Variants in WARS1 observed in about 807,000 individuals in gnomAD.
WARS1 encodes the protein tryptophan--tRNA ligase, cytoplasmic.
WARS1 carries 17 observed loss-of-function variants against 47.8 expected under a neutral mutation model. That is an observed-to-expected ratio of 0.36 (90% CI 0.24 to 0.53). WARS1 has a LOEUF of 0.53. Among genes scored for constraint, WARS1 ranks in the 20% least tolerant of loss-of-function variants. WARS1 has a pLI of 0.91. For synonymous variants in WARS1, 208 were observed against 228.1 expected, an observed-to-expected ratio of 0.91 and a Z score of 0.79; for missense variants, 434 against 608.0, an observed-to-expected ratio of 0.71 and a Z score of 3.01.
rs1257134602 is a variant in WARS1, at chr14:100,369,101, C to A, written c.85G>T (p.Gly29Ter). ...QGELVRSLKA[G>*]NASKDEIDSA... The stretch of plus-strand genomic sequence containing the variant: ...AAATCATGTACCTTTGACGCATTTC[C>A]CGCTTTGAGGGACCTTACGAGCTCC... Residue 29 changes from glycine (G) to a stop codon, truncating the protein, a stop_gained, in exon 2 of 11, where the codon GGA (glycine) becomes TGA (stop). Transcript: ENST00000392882. LOFTEE classifies it high-confidence loss of function. 6.4e-7 allele frequency: 1 copy of A among 1,556,682 alleles called. No individual in the cohort carries two copies. The highest frequency in any genetic ancestry group is 1.8e-5 in the Admixed American group (1 of 56,340).
chr14:100,348,380 GGCA>G (rs3073366), intron 6 of WARS1, among the ~76,000 whole-genome samples: 103,732 of 151,760 alleles, frequency 0.68, 36,647 homozygotes, highest in Admixed American at 0.81. Flanking sequence ...GTTGAGCAGA[GGCA>G]GCACGTGAGG....
At position 100,349,890 on chromosome 14, in the gene WARS1, G is replaced by T. The variant is rs535637087; in HGVS notation, c.726-3044C>A. 2.6e-5 allele frequency among the ~76,000 whole-genome samples: 4 copies of T among 152,336 alleles called. No homozygotes were observed. The South Asian group carries it at 8.3e-4, about 32-fold the overall frequency. ...CAGGAAGGAGCTTTATTAAGCCAAA[G>T]ATATAGATTTTGAGTTAAATTCAAG... On this transcript the variant is annotated intron_variant, in intron 6 of 10. Coordinates refer to ENST00000392882, the MANE Select transcript of WARS1 (RefSeq NM_004184.4).
chr14:100,352,027 T>C (rs1337038445), intron 6 of WARS1, among the ~76,000 whole-genome samples: 1 of 151,022 alleles, frequency 6.6e-6, no homozygotes, highest in African/African-American at 2.4e-5. Flanking sequence ...CTAACAGTTT[T>C]ACTGGCTGAT....
chr14:100,335,648 G>A (rs1032858950), intron 10 of WARS1, among the ~76,000 whole-genome samples: 1 of 152,116 alleles, frequency 6.6e-6, no homozygotes, highest in African/African-American at 2.4e-5. Context: ...GCCTCCCAAA[G>A]TGCTAGGATT....
rs751607642 is a variant in WARS1, at chr14:100,367,955, G to A, written c.99+1132C>T. On this transcript the variant is annotated intron_variant, in intron 2 of 10. Transcript: ENST00000392882. ...AGATTTGCTCTGCCCAAAGAGTAAA[G>A]CAAAGAGGAATAAAGATGCAGGAGC... 1.1e-3 allele frequency among the ~76,000 whole-genome samples: 16 copies of A among 14,142 alleles called. No homozygotes were observed. The Non-Finnish European group carries it at 0.021, about 19-fold the overall frequency. The allele number at this position is 14,142 out of a possible 152,430, so 9.3% of individuals were successfully genotyped here. A position where few individuals can be genotyped will look rare whatever the true frequency, so the allele number is the denominator to read the frequency against.
chr14:100,345,677 TAA>T (rs72383545), intron 7 of WARS1, among the ~76,000 whole-genome samples: 22,815 of 138,032 alleles, frequency 0.17, 2,224 homozygotes, highest in Non-Finnish European at 0.24. Flanking sequence ...ATAAATAAAT[TAA>T]AAAAAAAAAG....
At chr14:100,351,141 C>A (rs1022990832) in intron 6 of WARS1, among the ~76,000 whole-genome samples, 4 of 152,060 alleles carry the variant, frequency 2.6e-5, no homozygotes, top group African/African-American at 9.7e-5. Context: ...GAAAGACCCG[C>A]AAGTGGAAGA....
rs563709633 is a variant in WARS1, at chr14:100,364,922, T to C, written c.100-3001A>G. 2.6e-5 allele frequency among the ~76,000 whole-genome samples: 4 copies of C among 152,326 alleles called. No individual in the cohort carries two copies. The East Asian group carries it at 5.8e-4, about 22-fold the overall frequency. On this transcript the variant is annotated intron_variant, in intron 2 of 10. Coordinates refer to ENST00000392882, the MANE Select transcript of WARS1 (RefSeq NM_004184.4). ...TACCTGGTGAGTAAATCTCTTTCTG[T>C]AAAAAAGTAACTTTTTTTTGACATT...
At chr14:100,375,362 G>C (rs1896595375), upstream of WARS1, 1 of 152,230 alleles carries the variant, frequency 6.6e-6, no homozygotes, top group Non-Finnish European at 1.5e-5. Flanking sequence ...TGCCCAGCCA[G>C]AAATGGTCTT....
chr14:100,364,448 T>C (rs1021895298), intron 2 of WARS1, among the ~76,000 whole-genome samples: 4 of 152,226 alleles, frequency 2.6e-5, no homozygotes, highest in Admixed American at 1.3e-4. Flanking sequence ...GAGCTCAAGG[T>C]GCCCTCTCTT....
intron 2 of WARS1, chr14:100,366,906 A>G (rs1896033208): frequency 6.2e-7 from 1 of 1,609,530 alleles, no homozygotes; most frequent in Admixed American, 1.7e-5. Flanking sequence ...CTGAATAAAG[A>G]TAAGAAGCAT....
chr14:100,366,491 T>C (rs1896004739), intron 2 of WARS1: 6 of 424,330 alleles, frequency 1.4e-5, no homozygotes, highest in Middle Eastern at 7.1e-4. Context: ...GCCTCTAATA[T>C]GAAAGGCAGG....
intron 2 of WARS1, chr14:100,366,691 G>A (rs1896018899): frequency 6.0e-5 from 47 of 788,394 alleles, no homozygotes; most frequent in South Asian, 5.8e-4. Context: ...ACAGACAACG[G>A]AAGACAGAAG....
At chr14:100,344,601 C>A (rs1277712828) in intron 7 of WARS1, among the ~76,000 whole-genome samples, 1 of 151,256 alleles carries the variant, frequency 6.6e-6, no homozygotes, top group Admixed American at 6.6e-5. Flanking sequence ...AAGTGAGGAG[C>A]GTCTCTGCCC....
intron 9 of WARS1, among the ~76,000 whole-genome samples, chr14:100,337,545 A>G (rs1893830038): frequency 6.6e-6 from 1 of 152,118 alleles, no homozygotes; most frequent in South Asian, 2.1e-4. Context: ...CTCAGGTAAC[A>G]AGCGTCAGAA....
At position 100,342,571 on chromosome 14, in the gene WARS1, C is replaced by T; in HGVS notation, c.940G>A (p.Asp314Asn). ...QCLIPCAIDQ[D>N]PYFRMTRDVA... The stretch of plus-strand genomic sequence containing the variant: ...TCCCTTGTCATTCTAAAGTAAGGAT[C>T]CTGTGGGGAGAGTAAGGACCCTGAT... The change falls in exon 9 of 11, where the codon GAT becomes AAT. Residue 314 changes from aspartate to asparagine, a missense_variant and splice_region_variant. By Grantham distance (23) the Asp-to-Asn change is conservative (BLOSUM62 1). Around this residue, in one of 2 missense-constraint regions of WARS1, gnomAD observed 347 missense variants for 523.8 expected, o/e 0.66. Transcript: ENST00000392882. 1 of 1,608,898 alleles carries T rather than the reference C, an allele frequency of 6.2e-7. No individual in the cohort carries two copies. Among genetic ancestry groups the T allele is most frequent in the Non-Finnish European group, 8.5e-7 (1 of 1,177,470 alleles).
intron 1 of WARS1, among the ~76,000 whole-genome samples, chr14:100,372,161 C>T (rs1323575054): frequency 2.0e-5 from 3 of 152,068 alleles, no homozygotes; most frequent in African/African-American, 7.2e-5. Flanking sequence ...TATCTCCCTT[C>T]CATGACTCTC....
In WARS1 at chr14:100,339,427, C is replaced by T. The variant is rs577249415; in HGVS notation, c.1114-2225G>A. Reference sequence around the variant, plus strand: ...TAACACGGTGAAACCCCGTCTCTACCAAAATACAAAAAATTAGCTGGGTGT... The same window carrying T: ...TAACACGGTGAAACCCCGTCTCTACTAAAATACAAAAAATTAGCTGGGTGT... On this transcript the variant is annotated intron_variant, in intron 9 of 10. Transcript: ENST00000392882. Among the ~76,000 whole-genome samples the T allele has an allele frequency of 5.2e-4, 79 of 151,740 alleles. No homozygotes were observed. In the East Asian group the frequency reaches 0.011, roughly 21 times the overall value.
intron 9 of WARS1, 147 bp from the exon 10 acceptor site, chr14:100,337,349 G>T (rs1446110783): frequency 1.7e-6 from 2 of 1,172,592 alleles, no homozygotes; most frequent in African/African-American, 1.5e-5. Context: ...GCCGGTTGGG[G>T]GCGCACAGCC....
Sources: gnomAD v4.1 joint callset for allele counts (sites outside exome capture counted in the v4.1 genomes callset) on GRCh38, gnomAD v4.1.1 for gene constraint, gnomAD v4.1.1 regional missense constraint, MANE v1.5 for transcripts, NCBI Gene and HGNC (gene_info 2026-07-23, HGNC 2026-07-21) for gene names.